The following INF2 variants were observed in gnomAD, a reference collection of about 807,000 sequenced individuals.
INF2 encodes the protein inverted formin-2.
INF2 carries 43 observed loss-of-function variants against 123.5 expected under a neutral mutation model. That is an observed-to-expected ratio of 0.35 (90% CI 0.27 to 0.45). The LOEUF is 0.45. INF2 is among the 20% of genes least tolerant of loss of function. The probability of loss-of-function intolerance (pLI) is 1.00; values close to 1 mark genes in which losing one functional copy is unlikely to be tolerated. For synonymous variants in INF2, 851 were observed against 745.0 expected (o/e 1.14, Z -2.32); for missense variants, 1,453 against 1,682.7 (o/e 0.86, Z 2.39).
In INF2 at chr14:104,708,656, T is replaced by C; in HGVS notation, c.1888-15T>C. 6.2e-7 allele frequency: 1 copy of C among 1,612,456 alleles called. No individual in the cohort carries two copies. The highest frequency in any genetic ancestry group is 1.7e-5 in the Admixed American group (1 of 59,986). On this transcript the variant is annotated splice_polypyrimidine_tract_variant and intron_variant, in intron 9 of 22. Transcript: ENST00000392634. ...CACCCTCCGGTACCAGCCTGTTGGG[T>C]GGGGGGTTTTCTAGATCACTTTCCT...
At chr14:104,713,395 G>C (rs770178412) in intron 19 of INF2, 50 bp from the exon 20 acceptor site, 1 of 1,586,986 alleles carries the variant, frequency 6.3e-7, no homozygotes, top group South Asian at 1.1e-5. Flanking sequence ...CAGCCCTCTA[G>C]GTGGGCTCCA....
At chr14:104,689,979 GAGC>G (rs1280659251) in intron 1 of INF2, 1 of 153,482 alleles carries the variant, frequency 6.5e-6, no homozygotes, top group East Asian at 1.9e-4. Context: ...GGCACCGCCC[GAGC>G]GCGCACTGGC....
chr14:104,716,011 C>A, intron 22 of INF2: 1 of 452,864 alleles, frequency 2.2e-6, no homozygotes, highest in Non-Finnish European at 4.4e-6. Flanking sequence ...AAAGGTCAAT[C>A]AGCCAGGTCC....
At chr14:104,708,633 C>T (rs1889895890) in intron 9 of INF2, 38 bp from the exon 10 acceptor site, 1 of 1,612,744 alleles carries the variant, frequency 6.2e-7, no homozygotes, top group South Asian at 1.1e-5. Flanking sequence ...TGCCTGGCCA[C>T]CCTCCGGTAC....
In INF2 at chr14:104,714,671, G is replaced by A. The variant is rs776092624; in HGVS notation, c.3509G>A (p.Gly1170Glu). The A allele has an allele frequency of 7.4e-6, 12 of 1,612,168 alleles. No individual in the cohort carries two copies. Among genetic ancestry groups the A allele is most frequent in the Admixed American group, 1.7e-5 (1 of 59,988 alleles). ...AGACCCCCTGCAGCAGGCCCAGGTG[G>A]GGATGAGGACGAGGACGAGGAGGAC... is the stretch of plus-strand genomic sequence containing the variant. ...GARPPAAGPG[G>E]DEDEDEEDTA... Residue 1170 changes from glycine (G) to glutamate (E), a missense_variant, in exon 21 of 23, where the codon GGG (glycine) becomes GAG (glutamate). Gly to Glu is a moderately conservative substitution (Grantham distance 98). Around this residue, in one of 8 missense-constraint regions of INF2, gnomAD observed 344 missense variants for 333.1 expected, o/e 1.03. Transcript: ENST00000392634.
At chr14:104,715,221 C>T (rs528162746) in intron 21 of INF2, 63 bp from the exon 22 acceptor site, 2 of 1,545,066 alleles carry the variant, frequency 1.3e-6, no homozygotes, top group African/African-American at 2.7e-5. Context: ...GCCCCACCCA[C>T]TCCGAGTCAG....
At chr14:104,682,264 T>G (rs1311127273) in intron 1 of INF2, among the ~76,000 whole-genome samples, 2 of 152,132 alleles carry the variant, frequency 1.3e-5, no homozygotes, top group East Asian at 3.8e-4. Flanking sequence ...GCCTAGGGGC[T>G]GGGTCAGAGC....
rs540850762 is a variant in INF2 at position 104,684,398 on chromosome 14, C to G, written c.-104+2816C>G. The G allele has an allele frequency of 6.2e-4, 169 of 272,820 alleles. No homozygotes were observed. Among genetic ancestry groups the G allele is most frequent in the Admixed American group, 1.5e-3 (31 of 20,428 alleles). 16.9% of individuals were successfully genotyped at this position (272,820 alleles called of 1,614,324 possible). A position where few individuals can be genotyped will look rare whatever the true frequency, so the allele number is the denominator to read the frequency against. ...GCTTTCAGCGGATAGGTTTGTGCAACGAAATATTTCATAGAAATCAAGAAA... is the reference window on the plus strand; with the variant it reads ...GCTTTCAGCGGATAGGTTTGTGCAAGGAAATATTTCATAGAAATCAAGAAA... On this transcript the variant is annotated intron_variant, in intron 1 of 2. Coordinates refer to the INF2 transcript ENST00000674723. This position sits in a 1 kb window ranked among gnomAD's most constrained non-coding sequence, Gnocchi z 5.0.
chr14:104,707,771 C>A lies in INF2; in HGVS notation c.1504C>A (p.Pro502Thr). Residue 502 changes from proline (P) to threonine (T), a missense_variant, in exon 8 of 23, where the codon CCA (proline) becomes ACA (threonine). This residue lies in a region of INF2 where 374 missense variants were observed against 303.7 expected (regional missense o/e 1.23). Transcript: ENST00000392634. ...ACTCCCGGGCTTGGGATGCCCGCCC[C>A]CACCCCCACCCCTGCTGCCTGGTAT... ...PPLPGLGCPP[P>T]PPPLLPGMGW... 7.3e-7 allele frequency: 1 copy of A among 1,363,076 alleles called. No individual in the cohort carries two copies. The highest frequency in any genetic ancestry group is 1.0e-6 in the Non-Finnish European group (1 of 987,010). 84.4% of individuals were successfully genotyped at this position (1,363,076 alleles called of 1,614,324 possible).
intron 1 of INF2, among the ~76,000 whole-genome samples, chr14:104,697,665 C>G (rs1889253158): frequency 6.6e-6 from 1 of 152,230 alleles, no homozygotes; most frequent in Non-Finnish European, 1.5e-5. Context: ...ACCAGGCTGG[C>G]CAGGCCCAGG....
At chr14:104,698,357 C>G (rs1353921769) in intron 1 of INF2, among the ~76,000 whole-genome samples, 1 of 152,260 alleles carries the variant, frequency 6.6e-6, no homozygotes, top group African/African-American at 2.4e-5. Flanking sequence ...ACAGGCAAGG[C>G]TGTTTTTGCA....
chr14:104,699,560 TGGGTG>T lies in INF2; in HGVS notation c.-9-1794_-9-1790del. 1 of 982,964 alleles carries T rather than the reference TGGGTG, an allele frequency of 1.0e-6. No individual in the cohort carries two copies. The highest frequency in any genetic ancestry group is 1.2e-6 in the Non-Finnish European group (1 of 829,206). 60.9% of individuals were successfully genotyped at this position (982,964 alleles called of 1,614,324 possible). On this transcript the variant is annotated intron_variant, in intron 1 of 22. Coordinates refer to ENST00000392634, the MANE Select transcript of INF2 (RefSeq NM_022489.4). This position sits in a 1 kb window ranked among gnomAD's most constrained non-coding sequence, Gnocchi z 4.7. ...GAGCAGCCCAGGACAGGGCCCAGAG[TGGGTG>T]GGCAGAGGTGGCCGGAAGGTCTTGC...
chr14:104,706,826 G>A, intron 6 of INF2, 84 bp from the exon 7 acceptor site: 2 of 1,503,092 alleles, frequency 1.3e-6, no homozygotes, highest in Non-Finnish European at 1.8e-6. Flanking sequence ...TGATGGGGCT[G>A]GACACCCTGG....
chr14:104,708,617 G>T (rs781708710), intron 9 of INF2, 30 bp downstream of exon 9: 1 of 1,612,692 alleles, frequency 6.2e-7, no homozygotes, highest in African/African-American at 1.3e-5. Context: ...TCAGACCGGG[G>T]CCGCCTGCCT....
Position 104,689,653 on chromosome 14 carries a change from C to A in INF2, c.-96C>A. On this transcript the variant is annotated 5_prime_UTR_variant, in exon 1 of 23. Transcript: ENST00000392634. ...ACCGTCCGAGCCTTGCGGAGCGCGG[C>A]AGTGGGCGCCGGCTGCCCGCAGCCC... 1 of 978,308 alleles carries A rather than the reference C, an allele frequency of 1.0e-6. No individual in the cohort carries two copies. The highest frequency in any genetic ancestry group is 1.2e-6 in the Non-Finnish European group (1 of 824,142). The allele number at this position is 978,308 out of a possible 1,614,324, so 60.6% of individuals were successfully genotyped here.
rs141566233 is a variant in INF2, at chr14:104,683,627, GAC to G, written c.-104+2063_-104+2064del. Among the ~76,000 whole-genome samples the G allele has an allele frequency of 2.2e-3, 258 of 117,026 alleles. 1 individual carries two copies. Among genetic ancestry groups the G allele is most frequent in the African/African-American group, 7.9e-3 (236 of 29,800 alleles). The allele number at this position is 117,026 out of a possible 152,430, so 76.8% of individuals were successfully genotyped here. A position where few individuals can be genotyped will look rare whatever the true frequency, so the allele number is the denominator to read the frequency against. The stretch of plus-strand genomic sequence containing the variant: ...CCCCCCTCCCCACCACACACACACA[GAC>G]ACACACACACACACACAAATTACCT... On this transcript the variant is annotated intron_variant, in intron 1 of 2. Transcript: ENST00000674723.
At chr14:104,717,350 G>C (rs1300382518) in intron 22 of INF2, among the ~76,000 whole-genome samples, 4 of 147,926 alleles carry the variant, frequency 2.7e-5, no homozygotes, top group Non-Finnish European at 6.0e-5. Context: ...CCCGGGCAGG[G>C]TGCGCTGCCG....
intron 22 of INF2, 88 bp from the exon 23 acceptor site, chr14:104,718,707 T>C: frequency 1.3e-6 from 2 of 1,569,464 alleles, no homozygotes; most frequent in Non-Finnish European, 1.7e-6. Context: ...GATGAGGGGT[T>C]CAGGGACCTG....
chr14:104,688,088 C>T (rs564268984), upstream of INF2, among the ~76,000 whole-genome samples: 21 of 152,372 alleles, frequency 1.4e-4, 1 homozygote, highest in South Asian at 4.1e-3. Context: ...CCCTGGAGCC[C>T]GGTGTGGAGG....
Sources: gnomAD v4.1 joint callset for allele counts (sites outside exome capture counted in the v4.1 genomes callset) on GRCh38, gnomAD v4.1.1 for gene constraint, gnomAD v4.1.1 regional missense constraint, Gnocchi (gnomAD v3.1) non-coding constraint, MANE v1.5 for transcripts, NCBI Gene and HGNC (gene_info 2026-07-23, HGNC 2026-07-21) for gene names.